Variants in PIP5K1C observed in about 807,000 individuals in gnomAD.
PIP5K1C encodes the protein phosphatidylinositol 4-phosphate 5-kinase type-1 gamma.
PIP5K1C carries 45 observed loss-of-function variants against 80.1 expected under a neutral mutation model. That is an observed-to-expected ratio of 0.56 (90% confidence interval 0.44 to 0.72). The LOEUF (loss-of-function observed/expected upper bound fraction) is 0.72. PIP5K1C is among the 30% of genes least tolerant of loss of function. The pLI is 0.00. For missense variants in PIP5K1C, 753 were observed against 954.6 expected (o/e 0.79, Z 2.78); for synonymous variants, 498 against 420.1 (o/e 1.19, Z -2.27).
At chr19:3,682,158 G>C (rs1183844066) in intron 1 of PIP5K1C, among the ~76,000 whole-genome samples, 1 of 151,824 alleles carries the variant, frequency 6.6e-6, no homozygotes, top group Non-Finnish European at 1.5e-5. Flanking sequence ...TGGATCACCT[G>C]AGATCAGGAG....
chr19:3,654,694 A>G (rs2034561561), intron 6 of PIP5K1C, among the ~76,000 whole-genome samples: 1 of 151,916 alleles, frequency 6.6e-6, no homozygotes, highest in Admixed American at 6.6e-5. Context: ...CATGCCTGTA[A>G]TCCCAGCTGC....
At position 3,656,389 on chromosome 19, in the gene PIP5K1C, A is replaced by T; in HGVS notation, c.621+16T>A. 1 of 1,612,594 alleles carries T rather than the reference A, an allele frequency of 6.2e-7. No individual in the cohort carries two copies. The highest frequency in any genetic ancestry group is 1.1e-5 in the South Asian group (1 of 91,066). ...TTGACCGAGGAGCCATCTGCCCCGC[A>T]GGGCGGGCCACGCACCATGTAGTAG... is the stretch of plus-strand genomic sequence containing the variant. On this transcript the variant is annotated intron_variant, in intron 6 of 17. Coordinates refer to ENST00000335312, the MANE Select transcript of PIP5K1C (RefSeq NM_012398.3).
intron 11 of PIP5K1C, 57 bp from the exon 12 acceptor site, chr19:3,644,308 C>T: frequency 1.3e-6 from 2 of 1,565,422 alleles, no homozygotes; most frequent in Non-Finnish European, 8.7e-7. Flanking sequence ...TAGCAAAGCC[C>T]AGACAGGGCC....
At chr19:3,641,343 C>T (rs2033952783) in intron 15 of PIP5K1C, among the ~76,000 whole-genome samples, 1 of 152,250 alleles carries the variant, frequency 6.6e-6, no homozygotes, top group Non-Finnish European at 1.5e-5. Flanking sequence ...CCCAGGGTCT[C>T]TTGCCTGGGC....
rs1188878975 is a variant in PIP5K1C, at chr19:3,631,936, C to G, written c.*1231G>C. On this transcript the variant is annotated 3_prime_UTR_variant, in exon 18 of 18. Transcript: ENST00000335312. ...AAGTGGGGGATTCCCACAGCCATCA[C>G]CAATAAGCCCCTCTCAGGGGTCCTG... The G allele has an allele frequency of 6.6e-6, 1 of 152,290 alleles. No homozygotes were observed. Among genetic ancestry groups the G allele is most frequent in the Non-Finnish European group, 1.5e-5 (1 of 68,076 alleles). 9.4% of individuals were successfully genotyped at this position (152,290 alleles called of 1,614,324 possible).
intron 1 of PIP5K1C, among the ~76,000 whole-genome samples, chr19:3,682,121 C>T (rs1192211024): frequency 6.6e-6 from 1 of 152,104 alleles, no homozygotes; most frequent in African/African-American, 2.4e-5. Context: ...CTCTTATAAA[C>T]CCAGCACTTT....
intron 15 of PIP5K1C, 131 bp downstream of exon 15, chr19:3,641,573 TG>T: frequency 1.4e-6 from 1 of 720,622 alleles, no homozygotes; most frequent in Non-Finnish European, 2.5e-6. Context: ...AATAAACTTA[TG>T]GGAAAATCCA....
chr19:3,674,206 GAACT>G (rs1024278863), intron 1 of PIP5K1C: 1 of 152,230 alleles, frequency 6.6e-6, no homozygotes, highest in Non-Finnish European at 1.5e-5. Flanking sequence ...CACAGCCATG[GAACT>G]AACCCCAGGT....
In PIP5K1C at chr19:3,633,456, G is replaced by C; in HGVS notation, c.1985C>G (p.Ser662Cys). The C allele has an allele frequency of 6.6e-7, 1 of 1,504,978 alleles. No homozygotes were observed. Among genetic ancestry groups the C allele is most frequent in the East Asian group, 2.3e-5 (1 of 42,986 alleles). The allele number at this position is 1,504,978 out of a possible 1,614,324, so 93.2% of individuals were successfully genotyped here. A position where few individuals can be genotyped will look rare whatever the true frequency, so the allele number is the denominator to read the frequency against. Residue 662 changes from serine (S) to cysteine (C), a missense_variant, in exon 17 of 18, where the codon TCC becomes TGC. Coordinates refer to ENST00000335312, the MANE Select transcript of PIP5K1C (RefSeq NM_012398.3). Reference sequence around the variant, plus strand: ...ACTTACTGTGTCGCTCTCGCCGTCGGAGGCCGGGGGGGCCTGGGCGCTATA... The same window carrying C: ...ACTTACTGTGTCGCTCTCGCCGTCGCAGGCCGGGGGGGCCTGGGCGCTATA... ...LHYSAQAPPA[S>C]DGESDT
chr19:3,652,039 G>C lies in PIP5K1C; in HGVS notation c.922-8C>G. 1.9e-6 allele frequency: 3 copies of C among 1,612,824 alleles called. No homozygotes were observed. Among genetic ancestry groups the C allele is most frequent in the Non-Finnish European group, 2.5e-6 (3 of 1,179,772 alleles). On this transcript the variant is annotated splice_region_variant and splice_polypyrimidine_tract_variant and intron_variant, in intron 7 of 17. Coordinates refer to ENST00000335312, the MANE Select transcript of PIP5K1C (RefSeq NM_012398.3). ...CTTGAAACTTTCCAGGACCTGGCGG[G>C]ATCGGGCAGGAACACGCCACGCCGT... is the stretch of plus-strand genomic sequence containing the variant.
At chr19:3,684,220 T>C (rs926790308) in intron 1 of PIP5K1C, among the ~76,000 whole-genome samples, 2 of 152,180 alleles carry the variant, frequency 1.3e-5, no homozygotes, top group Non-Finnish European at 2.9e-5. Flanking sequence ...CAGTCACGCA[T>C]GAGCATTTCT....
rs113149343 is a variant in PIP5K1C at position 3,651,369 on chromosome 19, A to G, written c.1127+457T>C. On this transcript the variant is annotated intron_variant, in intron 8 of 17. Transcript: ENST00000335312. Reference sequence around the variant, plus strand: ...CTGCGCCCAGCCAGCAGCTGCTTTGATCTGTGTGGAATCGGATTTTGCAGT... The same window carrying G: ...CTGCGCCCAGCCAGCAGCTGCTTTGGTCTGTGTGGAATCGGATTTTGCAGT... Among the ~76,000 whole-genome samples, 5 of 152,076 alleles carry G rather than the reference A, an allele frequency of 3.3e-5. 1 individual carries two copies. The highest frequency in any genetic ancestry group is 1.2e-4 in the African/African-American group (5 of 41,484).
Position 3,648,489 on chromosome 19 carries a change from G to A in PIP5K1C, c.1211+136C>T, listed in dbSNP as rs2034320606. ...TCCTGGGGGCGCCCATCCACCTGTG[G>A]GACTGCAGACCCAGGCGCCCACCTG... is the stretch of plus-strand genomic sequence containing the variant. On this transcript the variant is annotated intron_variant, in intron 9 of 17. Coordinates refer to ENST00000335312, the MANE Select transcript of PIP5K1C (RefSeq NM_012398.3). This position sits in a 1 kb window ranked among gnomAD's most constrained non-coding sequence, Gnocchi z 4.3. The A allele has an allele frequency of 1.2e-6, 1 of 836,964 alleles. No homozygotes were observed. The highest frequency in any genetic ancestry group is 2.0e-6 in the Non-Finnish European group (1 of 492,716). 51.8% of individuals were successfully genotyped at this position (836,964 alleles called of 1,614,324 possible). A position where few individuals can be genotyped will look rare whatever the true frequency, so the allele number is the denominator to read the frequency against.
chr19:3,664,935 G>C, intron 2 of PIP5K1C, 21 bp from the exon 3 acceptor site: 1 of 1,582,100 alleles, frequency 6.3e-7, no homozygotes, highest in Non-Finnish European at 8.7e-7. Context: ...GAAGCAGGAA[G>C]CGTTAACTCC....
chr19:3,665,047 A>G, intron 2 of PIP5K1C, 133 bp from the exon 3 acceptor site: 3 of 767,008 alleles, frequency 3.9e-6, no homozygotes, highest in Non-Finnish European at 4.5e-6. Flanking sequence ...GGGCAGGTCC[A>G]GGCGACTCCG....
At position 3,632,907 on chromosome 19, in the gene PIP5K1C, C is replaced by A; in HGVS notation, c.*260G>T. The A allele has an allele frequency of 1.9e-6, 1 of 514,742 alleles. No homozygotes were observed. Among genetic ancestry groups the A allele is most frequent in the Non-Finnish European group, 3.4e-6 (1 of 292,024 alleles). The allele number at this position is 514,742 out of a possible 1,614,324, so 31.9% of individuals were successfully genotyped here. A position where few individuals can be genotyped will look rare whatever the true frequency, so the allele number is the denominator to read the frequency against. On this transcript the variant is annotated 3_prime_UTR_variant, in exon 18 of 18. Transcript: ENST00000335312. Reference sequence around the variant, plus strand: ...GCACACACGTGCTTCCGTCTCTGTGCCAAATAAGGACTCAAATGCGATTGG... The same window carrying A: ...GCACACACGTGCTTCCGTCTCTGTGACAAATAAGGACTCAAATGCGATTGG...
In PIP5K1C at chr19:3,697,355, G is replaced by A. The variant is rs183162375; in HGVS notation, c.94+2942C>T. Among the ~76,000 whole-genome samples the A allele has an allele frequency of 1.6e-3, 240 of 151,598 alleles. 2 individuals carry two copies. The highest frequency in any genetic ancestry group is 5.5e-3 in the African/African-American group (227 of 41,278). ...ACCGAGCTGGACCGGGGAGGACCGA[G>A]CCAGACAGAGGAGGACTGAGCCAGA... On this transcript the variant is annotated intron_variant, in intron 1 of 17. Transcript: ENST00000335312.
chr19:3,667,334 C>G lies in PIP5K1C; in HGVS notation c.114G>C (p.Ala38=), dbSNP rs202145504. Residue 38 remains alanine (A), a synonymous_variant, in exon 2 of 18, where the codon GCG becomes GCC. Coordinates refer to ENST00000335312, the MANE Select transcript of PIP5K1C (RefSeq NM_012398.3). ...TCCAGACACTCACCTCTGTTGGGGCCGCCTTCTTCTGAGCCAAACCTGCAG... is the reference window on the plus strand; with the variant it reads ...TCCAGACACTCACCTCTGTTGGGGCGGCCTTCTTCTGAGCCAAACCTGCAG... ...GAAAGLAQKK[A]APTEVLSMTA... is the part of the protein sequence containing the mutation. The G allele has an allele frequency of 2.5e-5, 41 of 1,612,948 alleles. No individual in the cohort carries two copies. In the East Asian group the frequency reaches 9.1e-4, roughly 36 times the overall value.
chr19:3,691,443 C>T (rs1036816464), intron 1 of PIP5K1C, among the ~76,000 whole-genome samples: 8 of 152,160 alleles, frequency 5.3e-5, no homozygotes, highest in Non-Finnish European at 7.4e-5. Context: ...CGCGAGCCCA[C>T]GCACCTGATC....
Sources: gnomAD v4.1 joint callset for allele counts (sites outside exome capture counted in the v4.1 genomes callset) on GRCh38, gnomAD v4.1.1 for gene constraint, Gnocchi (gnomAD v3.1) non-coding constraint, MANE v1.5 for transcripts, NCBI Gene and HGNC (gene_info 2026-07-23, HGNC 2026-07-21) for gene names.